Variants in DGLUCY observed in about 807,000 individuals in gnomAD.
DGLUCY encodes D-glutamate cyclase, mitochondrial.
In DGLUCY, 58 loss-of-function variants were observed where a neutral mutation model predicts 58.5. The ratio of observed to expected loss-of-function variants is 0.99; its 90% confidence interval spans 0.80 to 1.23. The LOEUF (loss-of-function observed/expected upper bound fraction) is 1.23, where lower values mean the gene tolerates loss of function less well. DGLUCY is among the 50% of genes most tolerant of loss of function. The pLI is 0.00. For synonymous variants in DGLUCY, 325 were observed against 314.1 expected (o/e 1.03, Z -0.37); for missense variants, 779 against 784.7 (o/e 0.99, Z 0.09).
At chr14:91,169,332 C>T (rs961554384) in intron 4 of DGLUCY, among the ~76,000 whole-genome samples, 3 of 151,998 alleles carry the variant, frequency 2.0e-5, no homozygotes, top group Non-Finnish European at 1.5e-5. Context: ...CCCCAAGACA[C>T]ATATTCTCTG....
At chr14:91,195,670 G>GTT (rs1207157314) in intron 9 of DGLUCY, among the ~76,000 whole-genome samples, 14,623 of 120,608 alleles carry the variant, frequency 0.12, 1,251 homozygotes, top group Non-Finnish European at 0.18. Context: ...TTTGGGTTTT[G>GTT]TTTTTTTTTT....
intron 1 of DGLUCY, among the ~76,000 whole-genome samples, chr14:91,077,692 C>A (rs1245073325): frequency 1.3e-5 from 2 of 148,158 alleles, no homozygotes; most frequent in Non-Finnish European, 1.5e-5. Flanking sequence ...GCGGAGGTTG[C>A]AGTGAGCCAA....
rs1358027070 is a variant in DGLUCY, at chr14:91,077,779, AGGAAGGGAAGGAG to A, written c.-82+17077_-82+17089del. Among the ~76,000 whole-genome samples, 4 of 150,028 alleles carry A rather than the reference AGGAAGGGAAGGAG, an allele frequency of 2.7e-5. No individual in the cohort carries two copies. The East Asian group carries it at 7.9e-4, about 30-fold the overall frequency. On this transcript the variant is annotated intron_variant, in intron 1 of 4. Coordinates refer to the DGLUCY transcript ENST00000521334. ...AAAAAAAAAAGAGAGAGAGAAAGAG[AGGAAGGGAAGGAG>A]GAAGGAAAGAAGAAAGGAGAGAGAG...
chr14:91,196,450 A>G lies in DGLUCY; in HGVS notation c.1271A>G (p.Lys424Arg). 6 of 1,614,160 alleles carry G rather than the reference A, an allele frequency of 3.7e-6. No individual in the cohort carries two copies. The highest frequency in any genetic ancestry group is 5.1e-6 in the Non-Finnish European group (6 of 1,180,024). Residue 424 changes from lysine (K) to arginine (R), a missense_variant, in exon 10 of 14, where the codon AAA becomes AGA. By Grantham distance (26) the Lys-to-Arg change is conservative. Coordinates refer to ENST00000256324, the MANE Select transcript of DGLUCY (RefSeq NM_001102368.3). ...GAAGCTGCTCAGGCATTCCTGTGCAAAAATGGGGACCCGCAGACACCTAGG... is the reference window on the plus strand; with the variant it reads ...GAAGCTGCTCAGGCATTCCTGTGCAGAAATGGGGACCCGCAGACACCTAGG... ...SVEAAQAFLC[K>R]NGDPQTPRFD...
At chr14:91,140,593 C>T (rs2046607856) in intron 1 of DGLUCY, among the ~76,000 whole-genome samples, 1 of 152,144 alleles carries the variant, frequency 6.6e-6, no homozygotes, top group Admixed American at 6.5e-5. Context: ...ATCTCTTGAA[C>T]CTGGGAGGCG....
chr14:91,179,550 G>A (rs1008942756), intron 7 of DGLUCY, among the ~76,000 whole-genome samples: 64 of 152,200 alleles, frequency 4.2e-4, no homozygotes, highest in Non-Finnish European at 7.5e-4. Flanking sequence ...TCAGGAGTTC[G>A]AGCCAGCCTA....
chr14:91,204,640 C>G, intron 11 of DGLUCY, 66 bp from the exon 12 acceptor site: 1 of 1,585,748 alleles, frequency 6.3e-7, no homozygotes, highest in Non-Finnish European at 8.6e-7. Flanking sequence ...TGTAGGGCTG[C>G]CTTGCTTCAG....
chr14:91,061,488 A>C (rs1389867060), intron 1 of DGLUCY, among the ~76,000 whole-genome samples: 1 of 152,260 alleles, frequency 6.6e-6, no homozygotes, highest in African/African-American at 2.4e-5. Flanking sequence ...ACTATAAAGC[A>C]GAATTTGAAA....
At chr14:91,095,796 T>G (rs2044385102) in intron 1 of DGLUCY, among the ~76,000 whole-genome samples, 1 of 151,892 alleles carries the variant, frequency 6.6e-6, no homozygotes, top group South Asian at 2.1e-4. Flanking sequence ...CTCCCCAGCT[T>G]TCCGTCTGGG....
At chr14:91,112,203 C>T (rs979712084), upstream of DGLUCY, among the ~76,000 whole-genome samples, 2 of 151,120 alleles carry the variant, frequency 1.3e-5, no homozygotes, top group African/African-American at 4.9e-5. Context: ...GAGCCAACAC[C>T]GCACCATTAC....
intron 1 of DGLUCY, among the ~76,000 whole-genome samples, chr14:91,121,613 A>C (rs1185728773): frequency 5.0e-4 from 5 of 9,952 alleles, no homozygotes; most frequent in African/African-American, 5.8e-4. Flanking sequence ...TCTCAAAAAT[A>C]ATAATAATAA....
At chr14:91,068,079 G>GCGCACGCGCA (rs375738080) in intron 1 of DGLUCY, among the ~76,000 whole-genome samples, 6 of 146,436 alleles carry the variant, frequency 4.1e-5, no homozygotes, top group Admixed American at 4.1e-4. Context: ...ACACGCGCAC[G>GCGCACGCGCA]CACACACACA....
At chr14:91,085,863 C>A (rs2044208544) in intron 1 of DGLUCY, among the ~76,000 whole-genome samples, 1 of 152,304 alleles carries the variant, frequency 6.6e-6, no homozygotes, top group Admixed American at 6.5e-5. Context: ...GCCACCATGC[C>A]TGGCCCTGCT....
At chr14:91,166,151 G>A (rs11626656) in intron 3 of DGLUCY, among the ~76,000 whole-genome samples, 1 of 152,224 alleles carries the variant, frequency 6.6e-6, no homozygotes, top group Non-Finnish European at 1.5e-5. Flanking sequence ...CTAGAAGTCA[G>A]GATGGTTGGC....
chr14:91,130,960 C>A (rs1041439915), intron 1 of DGLUCY, among the ~76,000 whole-genome samples: 1 of 150,286 alleles, frequency 6.7e-6, no homozygotes, highest in Non-Finnish European at 1.5e-5. Flanking sequence ...ATGTTTTTTT[C>A]TTTTTGTGAC....
intron 1 of DGLUCY, among the ~76,000 whole-genome samples, chr14:91,101,019 C>T (rs1055892560): frequency 1.3e-5 from 2 of 151,836 alleles, no homozygotes; most frequent in Non-Finnish European, 2.9e-5. Flanking sequence ...TGCAGTGAGC[C>T]GAGATCATGC....
intron 13 of DGLUCY, among the ~76,000 whole-genome samples, chr14:91,217,380 C>T (rs1886703730): frequency 6.6e-6 from 1 of 152,000 alleles, no homozygotes; most frequent in Non-Finnish European, 1.5e-5. Flanking sequence ...GCAGAAGAGC[C>T]CGAGATTGGG....
chr14:91,062,668 C>T (rs1271741815), intron 1 of DGLUCY, among the ~76,000 whole-genome samples: 8 of 140,834 alleles, frequency 5.7e-5, no homozygotes, highest in African/African-American at 1.6e-4. Context: ...ATTTGGCCTA[C>T]AGGCCATAGT....
chr14:91,086,707 T>C (rs1296123735), intron 1 of DGLUCY, among the ~76,000 whole-genome samples: 1 of 152,192 alleles, frequency 6.6e-6, no homozygotes, highest in African/African-American at 2.4e-5. Flanking sequence ...TCAGGTGAGC[T>C]TTGAGGGCTA....
Sources: allele counts gnomAD v4.1 joint callset (sites outside exome capture counted in the v4.1 genomes callset), GRCh38; gene constraint gnomAD v4.1.1; transcripts MANE v1.5; gene names NCBI Gene and HGNC (gene_info 2026-07-23, HGNC 2026-07-21).